Variants in DST observed in about 807,000 individuals in gnomAD.
DST encodes dystonin, also known as bullous pemphigoid antigen.
DST carries 253 observed loss-of-function variants against 875.2 expected under a neutral mutation model. That is an observed-to-expected ratio of 0.29 (90% CI 0.26 to 0.32). The LOEUF is 0.32. Ranked by LOEUF, DST falls within the 10% of genes least tolerant of loss-of-function variation. DST has a pLI of 1.00. For missense variants in DST, 8,287 were observed against 9,111.6 expected (o/e 0.91, Z 3.68); for synonymous variants, 3,124 against 3,197.1 (o/e 0.98, Z 0.77).
Position 56,642,461 on chromosome 6 carries a change from G to A in DST, c.1821C>T (p.Asp607=), listed in dbSNP as rs747490773. 3 of 1,613,628 alleles carry A rather than the reference G, an allele frequency of 1.9e-6. No individual in the cohort carries two copies. The Admixed American group carries it at 5.0e-5, about 27-fold the overall frequency. Residue 607 remains aspartate, a synonymous_variant, in exon 16 of 104, where the codon GAC becomes GAT. Transcript: ENST00000680361. ...TCAGTTTGTCTTCACAGATGACACT[G>A]TCCCTCTGAACTCTGTTGGCAATCT... is the stretch of plus-strand genomic sequence containing the variant. ...LQQIANRVQR[D]SVICEDKLIL...
Position 56,606,511 on chromosome 6 carries a change from A to AT in DST, c.8116dup (p.Ile2706AsnfsTer10). 2 of 1,613,296 alleles carry AT rather than the reference A, an allele frequency of 1.2e-6. No homozygotes were observed. On this transcript the variant is annotated frameshift_variant, in exon 40 of 104. Transcript: ENST00000680361. LOFTEE classifies it high-confidence loss of function. ...ATCTGAGCCAACAGGATTTAAATGT[A>AT]TTTTTTCACCAGAATCTAATTCATC...
At chr6:56,802,056 A>G (rs2099747811) in intron 4 of DST, among the ~76,000 whole-genome samples, 1 of 152,160 alleles carries the variant, frequency 6.6e-6, no homozygotes, top group Non-Finnish European at 1.5e-5. Flanking sequence ...AGCCGTCCAC[A>G]TAATAATTAT....
At chr6:56,929,301 T>G (rs2127758369) in intron 2 of DST, among the ~76,000 whole-genome samples, 1 of 152,250 alleles carries the variant, frequency 6.6e-6, no homozygotes, top group East Asian at 1.9e-4. Flanking sequence ...AATGAAAGAT[T>G]AGAAAAATCC....
At chr6:56,769,987 A>G (rs1159668940) in intron 4 of DST, among the ~76,000 whole-genome samples, 1 of 152,236 alleles carries the variant, frequency 6.6e-6, no homozygotes, top group Non-Finnish European at 1.5e-5. Flanking sequence ...GGAAATCAAT[A>G]CAGTTACATC....
intron 2 of DST, among the ~76,000 whole-genome samples, chr6:56,935,703 G>A (rs548487523): frequency 2.6e-5 from 4 of 152,234 alleles, no homozygotes; most frequent in South Asian, 2.1e-4. Context: ...CAAAGTGGGC[G>A]GATCACGAGG....
At chr6:56,726,964 G>C (rs1262641784) in intron 5 of DST, among the ~76,000 whole-genome samples, 1 of 152,170 alleles carries the variant, frequency 6.6e-6, no homozygotes, top group Non-Finnish European at 1.5e-5. Flanking sequence ...AACAAACCAA[G>C]TCTAGTGCTT....
chr6:56,692,535 T>G (rs1375834075), intron 9 of DST: 1 of 1,289,784 alleles, frequency 7.8e-7, no homozygotes, highest in South Asian at 1.2e-5. Flanking sequence ...AACTTTTTGG[T>G]GGGTCTTCAG....
chr6:56,822,663 T>A (rs996506243), intron 4 of DST, among the ~76,000 whole-genome samples: 1 of 151,998 alleles, frequency 6.6e-6, no homozygotes, highest in Non-Finnish European at 1.5e-5. Flanking sequence ...ATCATTAAAA[T>A]GATAGAATAG....
At chr6:56,477,580 T>TAAACA in intron 90 of DST, 92 bp from the exon 91 acceptor site, 1 of 1,525,214 alleles carries the variant, frequency 6.6e-7, no homozygotes, top group Non-Finnish European at 9.0e-7. Flanking sequence ...ATTAAACAAA[T>TAAACA]AAACAAAAAC....
chr6:56,561,698 T>C (rs2097537972), intron 56 of DST, 149 bp from the exon 57 acceptor site: 4 of 699,910 alleles, frequency 5.7e-6, no homozygotes, highest in South Asian at 6.3e-5. Context: ...TTTTCAGAAA[T>C]AAAAGTTTGG....
chr6:56,487,470 C>T (rs1393128984), intron 86 of DST, among the ~76,000 whole-genome samples, 197 bp from the exon 87 acceptor site: 2 of 152,066 alleles, frequency 1.3e-5, no homozygotes, highest in East Asian at 3.8e-4. Context: ...ACTTCAGTCA[C>T]CTATTCAATA....
At chr6:56,633,151 G>A in intron 27 of DST, 114 bp from the exon 28 acceptor site, 1 of 829,412 alleles carries the variant, frequency 1.2e-6, no homozygotes, top group South Asian at 1.5e-5. Context: ...TCATAAATAG[G>A]AACATTTGAA....
At chr6:56,755,598 A>G (rs935933301) in intron 4 of DST, among the ~76,000 whole-genome samples, 1 of 152,026 alleles carries the variant, frequency 6.6e-6, no homozygotes, top group Non-Finnish European at 1.5e-5. Context: ...CAGATTACCA[A>G]ATCCCCTATT....
At chr6:56,531,800 T>C (rs1404222084) in intron 64 of DST, among the ~76,000 whole-genome samples, 1 of 152,128 alleles carries the variant, frequency 6.6e-6, no homozygotes, top group African/African-American at 2.4e-5. Context: ...GCTCTAGGCT[T>C]CCTAGCCTTC....
chr6:56,619,399 G>T, intron 36 of DST: 1 of 1,612,910 alleles, frequency 6.2e-7, no homozygotes, highest in South Asian at 1.1e-5. Context: ...TTTCAGCTTT[G>T]ATATTTTGAA....
intron 36 of DST, among the ~76,000 whole-genome samples, chr6:56,621,077 A>G (rs1349660538): frequency 6.6e-6 from 1 of 152,240 alleles, no homozygotes; most frequent in Non-Finnish European, 1.5e-5. Flanking sequence ...TGAGTGACAA[A>G]GTGGGAAATA....
At chr6:56,642,993 C>G (rs1346704465) in intron 15 of DST, 10 of 1,283,534 alleles carry the variant, frequency 7.8e-6, no homozygotes, top group Non-Finnish European at 1.0e-5. Flanking sequence ...TAGCCTAAAG[C>G]CATTCGTTTG....
At chr6:56,621,430 T>G (rs1321193078) in intron 36 of DST, among the ~76,000 whole-genome samples, 1 of 152,240 alleles carries the variant, frequency 6.6e-6, no homozygotes, top group Non-Finnish European at 1.5e-5. Context: ...TCCTGATGGC[T>G]CTGGAAAAGA....
intron 25 of DST, 63 bp downstream of exon 25, chr6:56,634,738 A>T: frequency 6.2e-7 from 1 of 1,602,154 alleles, no homozygotes; most frequent in Non-Finnish European, 8.6e-7. Context: ...TAGCAATATG[A>T]TCTCATTTAC....
Sources: gnomAD v4.1 joint callset for allele counts (sites outside exome capture counted in the v4.1 genomes callset) on GRCh38, gnomAD v4.1.1 for gene constraint, MANE v1.5 for transcripts, NCBI Gene and HGNC (gene_info 2026-07-23, HGNC 2026-07-21) for gene names.